The following TACR1 variants were observed in gnomAD, a reference collection of about 807,000 sequenced individuals.
TACR1 encodes the protein substance-P receptor.
In TACR1, 25 loss-of-function variants were observed where a neutral mutation model predicts 35.8. That is an observed-to-expected ratio of 0.70 (90% CI 0.51 to 0.98). The LOEUF (loss-of-function observed/expected upper bound fraction) is 0.98. Among genes scored for constraint, TACR1 ranks in the 50% least tolerant of loss-of-function variants. The pLI, the probability that TACR1 is intolerant of heterozygous loss-of-function variation, is 0.00. For synonymous variants in TACR1, 195 were observed against 206.7 expected, an observed-to-expected ratio of 0.94 and a Z score of 0.48; for missense variants, 478 against 522.9, an observed-to-expected ratio of 0.91 and a Z score of 0.84.
Position 75,198,707 on chromosome 2 carries a change from G to A in TACR1, c.228C>T (p.Phe76=), listed in dbSNP as rs1391349952. 1 of 1,614,196 alleles carries A rather than the reference G, an allele frequency of 6.2e-7. No homozygotes were observed. The part of the protein sequence containing the change: ...VTNYFLVNLA[F]AEASMAAFNT... ...TGAATGCAGCCATGGAGGCCTCCGC[G>A]AAGGCCAGGTTCACCAGAAAATAGT... The change falls in exon 1 of 5, where the codon TTC becomes TTT. Residue 76 remains phenylalanine (F), a synonymous_variant. Transcript: ENST00000305249.
intron 2 of TACR1, among the ~76,000 whole-genome samples, chr2:75,102,350 T>C (rs755664060): frequency 3.0e-4 from 46 of 152,194 alleles, no homozygotes; most frequent in Non-Finnish European, 6.2e-4. Context: ...GTTGTTACTT[T>C]AAACCACTAA....
chr2:75,073,704 C>A (rs1338904600), intron 2 of TACR1, among the ~76,000 whole-genome samples: 3 of 152,140 alleles, frequency 2.0e-5, no homozygotes, highest in African/African-American at 7.2e-5. Flanking sequence ...TGTCTGGAGA[C>A]CAGGCACAGA....
intron 4 of TACR1, among the ~76,000 whole-genome samples, chr2:75,050,007 G>A (rs1672436681): frequency 6.6e-6 from 1 of 152,164 alleles, no homozygotes; most frequent in South Asian, 2.1e-4. Flanking sequence ...CCCTCACATG[G>A]GGTCAGCAGA....
chr2:75,161,698 A>T (rs752120446), intron 1 of TACR1, among the ~76,000 whole-genome samples: 17 of 152,178 alleles, frequency 1.1e-4, no homozygotes, highest in Non-Finnish European at 2.4e-4. Flanking sequence ...GCAGAAGTAG[A>T]CAAAGCATAG....
chr2:75,160,861 A>G (rs1246924794), intron 1 of TACR1, among the ~76,000 whole-genome samples: 1 of 150,950 alleles, frequency 6.6e-6, no homozygotes, highest in East Asian at 1.9e-4. Flanking sequence ...ATACATATCC[A>G]GAGATATTCT....
intron 1 of TACR1, among the ~76,000 whole-genome samples, chr2:75,122,843 G>A (rs1673996827): frequency 6.6e-6 from 1 of 152,180 alleles, no homozygotes; most frequent in African/African-American, 2.4e-5. Context: ...GCCAAGGCAG[G>A]TCCAGGACAC....
At chr2:75,152,230 G>C (rs1237098179) in intron 1 of TACR1, among the ~76,000 whole-genome samples, 2 of 152,096 alleles carry the variant, frequency 1.3e-5, no homozygotes, top group Non-Finnish European at 2.9e-5. Flanking sequence ...AGATCTGTAG[G>C]GCCCAGGGGC....
At chr2:75,055,217 C>T (rs1463685135) in intron 2 of TACR1, among the ~76,000 whole-genome samples, 1 of 152,248 alleles carries the variant, frequency 6.6e-6, no homozygotes, top group Non-Finnish European at 1.5e-5. Context: ...CTTTTAATCA[C>T]TTCTTTGTAA....
intron 2 of TACR1, among the ~76,000 whole-genome samples, chr2:75,066,419 A>G (rs1217599935): frequency 6.6e-6 from 1 of 152,218 alleles, no homozygotes; most frequent in Non-Finnish European, 1.5e-5. Flanking sequence ...GGGAAACCAC[A>G]GTTTTTCAAG....
intron 1 of TACR1, among the ~76,000 whole-genome samples, chr2:75,121,963 T>C (rs1405379179): frequency 1.3e-5 from 2 of 152,122 alleles, no homozygotes; most frequent in African/African-American, 4.8e-5. Context: ...ACTCCTAGGA[T>C]CTCTAGACCA....
At chr2:75,070,071 C>T (rs28430543) in intron 2 of TACR1, among the ~76,000 whole-genome samples, 36,740 of 151,584 alleles carry the variant, frequency 0.24, 5,686 homozygotes, top group African/African-American at 0.41. Context: ...ATTATTTATT[C>T]ATTCATTCCT....
intron 2 of TACR1, among the ~76,000 whole-genome samples, chr2:75,058,822 A>C (rs1672619091): frequency 1.3e-5 from 2 of 152,332 alleles, no homozygotes; most frequent in East Asian, 3.9e-4. Context: ...TCATTAATCT[A>C]GGTTTCCTTA....
At position 75,198,770 on chromosome 2, in the gene TACR1, C is replaced by T; in HGVS notation, c.165G>A (p.Trp55Ter). 6.2e-7 allele frequency: 1 copy of T among 1,614,154 alleles called. No homozygotes were observed. Residue 55 changes from tryptophan (W) to a stop codon, truncating the protein, a stop_gained, in exon 1 of 5, where the codon TGG becomes TGA. Transcript: ENST00000305249. LOFTEE classifies it high-confidence loss of function. ...TCATTCTTTTGTGGGCTAAGATGAT[C>T]CACATCACTACCACGTTGCCCACCA... ...TSVVGNVVVM[W>*]IILAHKRMRT...
intron 2 of TACR1, among the ~76,000 whole-genome samples, chr2:75,064,895 A>G (rs1476842499): frequency 6.6e-6 from 1 of 152,184 alleles, no homozygotes; most frequent in African/African-American, 2.4e-5. Context: ...TCCTAGTGGT[A>G]AGTTAAGGTT....
chr2:75,088,377 A>T (rs1049538080), intron 2 of TACR1, among the ~76,000 whole-genome samples: 3 of 151,982 alleles, frequency 2.0e-5, no homozygotes, highest in African/African-American at 4.8e-5. Context: ...CAGCCTTTTT[A>T]TTTGCTGTCA....
intron 2 of TACR1, among the ~76,000 whole-genome samples, chr2:75,068,056 T>A (rs539305016): frequency 6.6e-6 from 1 of 152,298 alleles, no homozygotes; most frequent in African/African-American, 2.4e-5. Flanking sequence ...TCAGTCAGGG[T>A]TCTCTGCAGA....
In TACR1 at chr2:75,154,401, A is replaced by AGCGCGCTCGCGCGCGCGCGCGCGC. The variant is rs142809732; in HGVS notation, c.390-33634_390-33633insGCGCGCGCGCGCGCGCGAGCGCGC. On this transcript the variant is annotated intron_variant, in intron 1 of 4. Transcript: ENST00000305249. ...TGGCCCAGGGAGATAATCAGCCAAG[A>AGCGCGCTCGCGCGCGCGCGCGCGC]GCGCGCACGCACACACACACACACA... is the stretch of plus-strand genomic sequence containing the variant. The AGCGCGCTCGCGCGCGCGCGCGCGC allele has an allele frequency of 1.0e-4, 8 of 76,444 alleles. 2 individuals carry two copies. The highest frequency in any genetic ancestry group is 4.6e-4 in the African/African-American group (8 of 17,280). 4.7% of individuals were successfully genotyped at this position (76,444 alleles called of 1,614,324 possible).
At chr2:75,142,653 G>C (rs756513653) in intron 1 of TACR1, among the ~76,000 whole-genome samples, 17 of 152,166 alleles carry the variant, frequency 1.1e-4, no homozygotes, top group African/African-American at 2.2e-4. Flanking sequence ...TAGAGAGTAG[G>C]ATGTGCTAAC....
chr2:75,103,021 T>A (rs1206050178), intron 2 of TACR1, among the ~76,000 whole-genome samples: 2 of 152,226 alleles, frequency 1.3e-5, no homozygotes, highest in Non-Finnish European at 2.9e-5. Context: ...GGTCTTGGTA[T>A]TTCTTTACAC....
Sources: allele counts gnomAD v4.1 joint callset (sites outside exome capture counted in the v4.1 genomes callset), GRCh38; gene constraint gnomAD v4.1.1; transcripts MANE v1.5; gene names NCBI Gene and HGNC (gene_info 2026-07-23, HGNC 2026-07-21).